The following ADCK1 variants were observed in gnomAD, a reference collection of about 807,000 sequenced individuals.
The protein encoded by ADCK1 is aarF domain containing kinase 1.
ADCK1 carries 41 observed loss-of-function variants against 52.3 expected under a neutral mutation model. That is an observed-to-expected ratio of 0.78 (90% CI 0.61 to 1.02). The LOEUF (loss-of-function observed/expected upper bound fraction) is 1.02. Among genes scored for constraint, ADCK1 ranks in the 50% least tolerant of loss-of-function variants. The pLI, the probability that ADCK1 is intolerant of heterozygous loss-of-function variation, is 0.00. For synonymous variants in ADCK1, 250 were observed against 274.6 expected (o/e 0.91, Z 0.89); for missense variants, 658 against 679.5 (o/e 0.97, Z 0.35).
At chr14:77,918,171 AGG>A (rs2083970332) in intron 7 of ADCK1, among the ~76,000 whole-genome samples, 2 of 152,182 alleles carry the variant, frequency 1.3e-5, no homozygotes, top group South Asian at 2.1e-4. Context: ...CAGGTTCAAG[AGG>A]CCAAAGAAGA....
chr14:77,802,606 A>G (rs1399922155), intron 1 of ADCK1, among the ~76,000 whole-genome samples: 2 of 152,012 alleles, frequency 1.3e-5, no homozygotes, highest in African/African-American at 4.8e-5. Context: ...ACATTGATTT[A>G]AGGACCTTGA....
Position 77,925,918 on chromosome 14 carries a change from C to T in ADCK1, c.1163C>T (p.Ser388Leu), listed in dbSNP as rs368389188. 2.6e-5 allele frequency: 42 copies of T among 1,614,060 alleles called. No homozygotes were observed. In the African/African-American group the frequency reaches 4.3e-4, roughly 16 times the overall value. The change falls in exon 9 of 11, where the codon TCG becomes TTG. Residue 388 changes from serine (S) to leucine (L), a missense_variant. Ser to Leu is a moderately radical substitution (Grantham distance 145, BLOSUM62 -2). Coordinates refer to ENST00000238561, the MANE Select transcript of ADCK1 (RefSeq NM_020421.4). ...ATGCTGACGGCGCGATCGTGGGACT[C>T]GGTCAACAGAGGCATCAGCCAAGCT... is the stretch of plus-strand genomic sequence containing the variant. ...ACMLTARSWD[S>L]VNRGISQAPV...
At chr14:77,842,241 A>G (rs951977380) in intron 3 of ADCK1, among the ~76,000 whole-genome samples, 4 of 152,086 alleles carry the variant, frequency 2.6e-5, no homozygotes, top group Non-Finnish European at 5.9e-5. Flanking sequence ...CTAAAAACTG[A>G]TATTTTTCTA....
intron 1 of ADCK1, among the ~76,000 whole-genome samples, chr14:77,808,636 C>T (rs936702271): frequency 2.0e-5 from 3 of 152,182 alleles, no homozygotes; most frequent in Non-Finnish European, 4.4e-5. Flanking sequence ...AGTGCAATGG[C>T]GTGATCTCAG....
chr14:77,919,218 A>G (rs1003908107), intron 7 of ADCK1, among the ~76,000 whole-genome samples: 5 of 152,262 alleles, frequency 3.3e-5, no homozygotes, highest in African/African-American at 9.6e-5. Flanking sequence ...CCAGGCCCCA[A>G]TGTGTAGTCT....
intron 3 of ADCK1, among the ~76,000 whole-genome samples, chr14:77,852,948 T>C (rs1239488415): frequency 8.6e-6 from 1 of 115,806 alleles, no homozygotes; most frequent in East Asian, 2.5e-4. Flanking sequence ...AGGGTCTTGC[T>C]GTGTTGCCCA....
At chr14:77,842,453 TTCCTTCCTTCCTTCC>T (rs765234712) in intron 3 of ADCK1, among the ~76,000 whole-genome samples, 6,242 of 52,120 alleles carry the variant, frequency 0.12, 399 homozygotes, top group Non-Finnish European at 0.18. Context: ...TTTTTTTTCC[TTCCTTCCTTCCTTCC>T]TTCCTTCCTT....
In ADCK1 at chr14:77,847,608, G is replaced by A. The variant is rs77039243; in HGVS notation, c.220-11468G>A. On this transcript the variant is annotated intron_variant, in intron 3 of 10. Transcript: ENST00000238561. Reference sequence around the variant, plus strand: ...CCCACAAAAAACCCACTTCATACCAGGGCCAGTGAGGCAGTGAGGACCTTT... The same window carrying A: ...CCCACAAAAAACCCACTTCATACCAAGGCCAGTGAGGCAGTGAGGACCTTT... Among the ~76,000 whole-genome samples the A allele has an allele frequency of 5.3e-5, 8 of 152,220 alleles. No homozygotes were observed. In the East Asian group the frequency reaches 1.5e-3, roughly 29 times the overall value.
chr14:77,804,903 A>G (rs1467390070), intron 1 of ADCK1, among the ~76,000 whole-genome samples: 2 of 152,054 alleles, frequency 1.3e-5, no homozygotes, highest in Non-Finnish European at 2.9e-5. Context: ...TGCGTCAGAG[A>G]TGTTATAGAA....
At chr14:77,914,527 A>AGGTGTGAGCAG in intron 7 of ADCK1, 2 of 985,344 alleles carry the variant, frequency 2.0e-6, no homozygotes, top group Non-Finnish European at 1.2e-6. Context: ...GCTACAATAG[A>AGGTGTGAGCAG]GGTGTGAGCA....
intron 1 of ADCK1, among the ~76,000 whole-genome samples, chr14:77,803,917 A>T (rs1197174897): frequency 3.9e-5 from 6 of 152,208 alleles, no homozygotes; most frequent in Non-Finnish European, 5.9e-5. Context: ...GCCCTGCTCA[A>T]GCTCTTAGCC....
chr14:77,901,510 C>T (rs1183160451), intron 6 of ADCK1, among the ~76,000 whole-genome samples: 1 of 152,088 alleles, frequency 6.6e-6, no homozygotes, highest in East Asian at 1.9e-4. Context: ...CTGCCTCAGC[C>T]TCCTGAGTAG....
chr14:77,917,657 A>T (rs186594140), intron 7 of ADCK1, among the ~76,000 whole-genome samples: 11 of 152,370 alleles, frequency 7.2e-5, no homozygotes, highest in South Asian at 2.1e-4. Flanking sequence ...ATAATAACTG[A>T]AATCACTTAT....
At chr14:77,890,061 G>A (rs1008594048) in intron 5 of ADCK1, among the ~76,000 whole-genome samples, 1 of 152,208 alleles carries the variant, frequency 6.6e-6, no homozygotes, top group East Asian at 1.9e-4. Flanking sequence ...GTGGAGAAAA[G>A]TTAAAGATGA....
intron 6 of ADCK1, 62 bp from the exon 7 acceptor site, chr14:77,907,741 T>C: frequency 1.5e-6 from 2 of 1,315,394 alleles, no homozygotes; most frequent in East Asian, 2.4e-5. Flanking sequence ...CTGTGCCACA[T>C]TGTCATCCTT....
intron 1 of ADCK1, among the ~76,000 whole-genome samples, chr14:77,800,482 G>A (rs2081085568): frequency 6.6e-6 from 1 of 152,288 alleles, no homozygotes; most frequent in Non-Finnish European, 1.5e-5. Flanking sequence ...AGGCACCCGA[G>A]TGGGCAGAGC....
chr14:77,928,422 A>G (rs2084246780), intron 9 of ADCK1, among the ~76,000 whole-genome samples: 1 of 151,924 alleles, frequency 6.6e-6, no homozygotes, highest in East Asian at 1.9e-4. Flanking sequence ...CTAGGTTCTC[A>G]GTATATTTGT....
intron 4 of ADCK1, among the ~76,000 whole-genome samples, chr14:77,862,757 G>A (rs958096974): frequency 5.9e-5 from 9 of 152,184 alleles, no homozygotes; most frequent in African/African-American, 2.2e-4. Flanking sequence ...GGACAGTGCC[G>A]GACATTTGGG....
intron 3 of ADCK1, among the ~76,000 whole-genome samples, chr14:77,856,063 A>G (rs950502325): frequency 6.6e-5 from 10 of 152,036 alleles, no homozygotes; most frequent in African/African-American, 2.4e-4. Context: ...TACAAAAATT[A>G]GCTAGGCGTG....
Sources: allele counts gnomAD v4.1 joint callset (sites outside exome capture counted in the v4.1 genomes callset), GRCh38; gene constraint gnomAD v4.1.1; transcripts MANE v1.5; gene names NCBI Gene and HGNC (gene_info 2026-07-23, HGNC 2026-07-21).